Variants in KLHL2 observed in about 807,000 individuals in gnomAD.
The protein encoded by KLHL2 is kelch like family member 2, also known as kelch-like protein 2.
Under a neutral mutation model 75.8 loss-of-function variants are expected in KLHL2, and 15 were observed. The ratio of observed to expected loss-of-function variants is 0.20; its 90% confidence interval spans 0.13 to 0.30. The LOEUF (loss-of-function observed/expected upper bound fraction) is 0.30, where lower values mean the gene tolerates loss of function less well. Ranked by LOEUF, KLHL2 falls within the 10% of genes least tolerant of loss-of-function variation. KLHL2 has a pLI of 1.00. For synonymous variants in KLHL2, 214 were observed against 251.9 expected (o/e 0.85, Z 1.42); for missense variants, 381 against 741.0 (o/e 0.51, Z 5.64).
intron 4 of KLHL2, among the ~76,000 whole-genome samples, chr4:165,257,062 A>G (rs1454067282): frequency 6.6e-6 from 1 of 152,156 alleles, no homozygotes. Context: ...TCAATTTTTT[A>G]TAATTTAAAC....
intron 8 of KLHL2, 76 bp downstream of exon 8, chr4:165,299,732 T>G: frequency 7.6e-7 from 1 of 1,309,238 alleles, no homozygotes; most frequent in Non-Finnish European, 1.0e-6. Flanking sequence ...TTTTGCTCAT[T>G]TGAATTTCCG....
chr4:165,240,879 C>T (rs902958241), intron 4 of KLHL2, among the ~76,000 whole-genome samples: 1 of 152,132 alleles, frequency 6.6e-6, no homozygotes, highest in Admixed American at 6.5e-5. Context: ...TGTAGTAGTT[C>T]TTGTGGTGGG....
chr4:165,318,102 A>T, intron 14 of KLHL2, 133 bp downstream of exon 14: 1 of 761,678 alleles, frequency 1.3e-6, no homozygotes, highest in Non-Finnish European at 2.1e-6. Flanking sequence ...TCTTAAGATG[A>T]TTAACATTGG....
intron 13 of KLHL2, among the ~76,000 whole-genome samples, chr4:165,314,749 A>G (rs72701615): frequency 0.25 from 38,007 of 152,108 alleles, 5,464 homozygotes; most frequent in Non-Finnish European, 0.34. Context: ...TAGGGAACTA[A>G]CCACTTAAAA....
intron 3 of KLHL2, among the ~76,000 whole-genome samples, chr4:165,232,744 C>CA (rs1739001976): frequency 6.6e-6 from 1 of 151,240 alleles, no homozygotes; most frequent in Non-Finnish European, 1.5e-5. Context: ...GACCCTGTCT[C>CA]AAAAAATGAA....
At position 165,219,965 on chromosome 4, in the gene KLHL2, G is replaced by C; in HGVS notation, c.58G>C (p.Asp20His). The C allele has an allele frequency of 6.2e-7, 1 of 1,613,600 alleles. No homozygotes were observed. The highest frequency in any genetic ancestry group is 8.5e-7 in the Non-Finnish European group (1 of 1,179,750). Reference protein sequence around the residue: ...CTKQGHQKPLDSKDDNTEKHC... With the variant: ...CTKQGHQKPLHSKDDNTEKHC... Reference sequence around the variant, plus strand: ...AAAGCAGGGTCATCAGAAGCCTCTCGATTCAAAAGATGATAATACCGAAAA... The same window carrying C: ...AAAGCAGGGTCATCAGAAGCCTCTCCATTCAAAAGATGATAATACCGAAAA... The change falls in exon 2 of 15, where the codon GAT becomes CAT. Residue 20 changes from aspartate (D) to histidine (H), a missense_variant. Asp to His is a moderately conservative substitution (Grantham distance 81, BLOSUM62 -1). Transcript: ENST00000226725.
intron 4 of KLHL2, among the ~76,000 whole-genome samples, chr4:165,254,473 CATA>C (rs1485173975): frequency 6.6e-6 from 1 of 152,068 alleles, no homozygotes; most frequent in East Asian, 1.9e-4. Context: ...TTTTCAGAAA[CATA>C]ATTTTAGGGT....
At chr4:165,278,481 T>G in intron 5 of KLHL2, 3 of 1,590,678 alleles carry the variant, frequency 1.9e-6, no homozygotes, top group Non-Finnish European at 2.6e-6. Flanking sequence ...ATATGGCATT[T>G]ATTCGTGAAT....
At chr4:165,264,585 C>CATATATATATATATATATATATAT (rs55960426) in intron 5 of KLHL2, among the ~76,000 whole-genome samples, 3 of 129,396 alleles carry the variant, frequency 2.3e-5, no homozygotes, top group African/African-American at 9.2e-5. Flanking sequence ...AGTATTCCAT[C>CATATATATATATATATATATATAT]ATATATATAT....
intron 5 of KLHL2, among the ~76,000 whole-genome samples, chr4:165,273,758 A>G (rs1431065371): frequency 6.6e-6 from 1 of 152,246 alleles, no homozygotes; most frequent in Admixed American, 6.5e-5. Flanking sequence ...CTAGTCTTGC[A>G]TATGTCTTTA....
chr4:165,266,030 G>A (rs1193599053), intron 5 of KLHL2, among the ~76,000 whole-genome samples: 3 of 152,150 alleles, frequency 2.0e-5, no homozygotes, highest in African/African-American at 7.2e-5. Context: ...GCCTGAGATG[G>A]TATCTCACTG....
intron 3 of KLHL2, among the ~76,000 whole-genome samples, chr4:165,231,087 T>C (rs993243133): frequency 6.6e-6 from 1 of 152,354 alleles, no homozygotes; most frequent in South Asian, 2.1e-4. Context: ...CTGGCACATA[T>C]ACAAAATGTG....
At chr4:165,238,190 T>A (rs774882914) in intron 3 of KLHL2, among the ~76,000 whole-genome samples, 1 of 152,240 alleles carries the variant, frequency 6.6e-6, no homozygotes, top group Non-Finnish European at 1.5e-5. Context: ...TAACTCTTTG[T>A]TATTATTGTG....
chr4:165,277,748 A>ACACACAC (rs1743242856), intron 5 of KLHL2: 7 of 534,468 alleles, frequency 1.3e-5, no homozygotes, highest in Middle Eastern at 5.1e-4. Flanking sequence ...GGATGTTAAA[A>ACACACAC]ACACACACAC....
chr4:165,233,713 A>T (rs752236679), intron 3 of KLHL2, among the ~76,000 whole-genome samples: 1 of 152,232 alleles, frequency 6.6e-6, no homozygotes, highest in African/African-American at 2.4e-5. Context: ...TCATGATTAT[A>T]GTTAGGAAGA....
chr4:165,268,803 G>A (rs1301510605), intron 5 of KLHL2, among the ~76,000 whole-genome samples: 1 of 152,202 alleles, frequency 6.6e-6, no homozygotes, highest in Non-Finnish European at 1.5e-5. Context: ...ATTTGGGGTG[G>A]AGAGTTCTGT....
intron 5 of KLHL2, chr4:165,278,774 T>C (rs777295573): frequency 5.4e-5 from 84 of 1,550,904 alleles, no homozygotes; most frequent in African/African-American, 8.1e-5. Flanking sequence ...TACACACTTA[T>C]GGCCTGTATT....
intron 4 of KLHL2, among the ~76,000 whole-genome samples, chr4:165,258,759 A>G (rs189854670): frequency 1.3e-5 from 2 of 152,348 alleles, no homozygotes; most frequent in Non-Finnish European, 2.9e-5. Flanking sequence ...AAAGTAAGCC[A>G]AGGGATTATG....
At chr4:165,252,357 G>A (rs983190688) in intron 4 of KLHL2, among the ~76,000 whole-genome samples, 1 of 151,812 alleles carries the variant, frequency 6.6e-6, no homozygotes, top group Non-Finnish European at 1.5e-5. Flanking sequence ...ACAGTCTAGA[G>A]TTGTTAAATT....
Sources: allele counts gnomAD v4.1 joint callset (sites outside exome capture counted in the v4.1 genomes callset), GRCh38; gene constraint gnomAD v4.1.1; transcripts MANE v1.5; gene names NCBI Gene and HGNC (gene_info 2026-07-23, HGNC 2026-07-21).